POC5: variants seen among roughly 807,000 people sequenced by gnomAD.
POC5 encodes the protein centrosomal protein POC5.
In POC5, 48 loss-of-function variants were observed where a neutral mutation model predicts 62.9. The ratio of observed to expected loss-of-function variants is 0.76; its 90% CI spans 0.61 to 0.97. POC5 has a LOEUF of 0.97. POC5 is among the 50% of genes least tolerant of loss of function. POC5 has a pLI of 0.00. For missense variants in POC5, 696 were observed against 679.5 expected (o/e 1.02, Z -0.27); for synonymous variants, 236 against 228.2 (o/e 1.03, Z -0.31).
intron 2 of POC5, among the ~76,000 whole-genome samples, chr5:75,708,200 T>C (rs1777202359): frequency 6.6e-6 from 1 of 151,886 alleles, no homozygotes; most frequent in South Asian, 2.1e-4. Context: ...TACAAAAATT[T>C]GCTAGGTGTG....
intron 5 of POC5, among the ~76,000 whole-genome samples, chr5:75,699,162 C>T (rs1776750017): frequency 6.6e-6 from 1 of 152,152 alleles, no homozygotes; most frequent in African/African-American, 2.4e-5. Flanking sequence ...GGTACCATTC[C>T]TTCTGAAACT....
At chr5:75,711,638 A>G (rs1477795650) in intron 2 of POC5, among the ~76,000 whole-genome samples, 1 of 152,218 alleles carries the variant, frequency 6.6e-6, no homozygotes, top group East Asian at 1.9e-4. Flanking sequence ...ACCCAAAGTA[A>G]TAACACTGTA....
chr5:75,694,136 T>C (rs1221377723), intron 6 of POC5, among the ~76,000 whole-genome samples: 1 of 151,954 alleles, frequency 6.6e-6, no homozygotes, highest in Non-Finnish European at 1.5e-5. Context: ...TGCCTATGAA[T>C]AGCCACTGCT....
intron 11 of POC5, among the ~76,000 whole-genome samples, chr5:75,675,073 A>G (rs771237036): frequency 6.6e-6 from 1 of 152,222 alleles, no homozygotes; most frequent in Non-Finnish European, 1.5e-5. Context: ...CAGAGCCCTC[A>G]TATTTAACCT....
chr5:75,707,233 A>G (rs986382403), intron 3 of POC5, among the ~76,000 whole-genome samples: 1 of 152,224 alleles, frequency 6.6e-6, no homozygotes, highest in Non-Finnish European at 1.5e-5. Flanking sequence ...CCTGGTTTAT[A>G]GTAGCTTTCA....
In POC5 at chr5:75,703,350, G is replaced by A. The variant is rs138017145; in HGVS notation, c.308-540C>T. Among the ~76,000 whole-genome samples the A allele has an allele frequency of 2.3e-3, 354 of 152,172 alleles. 6 individuals carry two copies. The highest frequency in any genetic ancestry group is 0.02 in the Admixed American group (307 of 15,292). ...GTTTTAATACTATTAAAATTCGGCC[G>A]GGCGCGGTGGCTCATGCCTGTAATC... On this transcript the variant is annotated intron_variant, in intron 4 of 11. Transcript: ENST00000428202.
At chr5:75,682,591 C>T (rs889647326) in intron 10 of POC5, among the ~76,000 whole-genome samples, 2 of 150,932 alleles carry the variant, frequency 1.3e-5, no homozygotes, top group Non-Finnish European at 2.9e-5. Flanking sequence ...TCTTGGCTCA[C>T]CGCAATCTCT....
chr5:75,693,058 A>C (rs1271612179), intron 6 of POC5, among the ~76,000 whole-genome samples: 1 of 147,890 alleles, frequency 6.8e-6, no homozygotes, highest in Non-Finnish European at 1.5e-5. Context: ...ATACCTATTA[A>C]TAACATGTTA....
At chr5:75,682,517 C>T (rs182976570) in intron 10 of POC5, among the ~76,000 whole-genome samples, 25 of 134,672 alleles carry the variant, frequency 1.9e-4, no homozygotes, top group Admixed American at 3.0e-4. Flanking sequence ...TTATTTCTTT[C>T]TTTTTTTTTT....
At chr5:75,702,439 G>T (rs2307113) in intron 5 of POC5, among the ~76,000 whole-genome samples, 166 bp downstream of exon 5, 1 of 151,994 alleles carries the variant, frequency 6.6e-6, no homozygotes, top group Non-Finnish European at 1.5e-5. Flanking sequence ...GCTATGATTC[G>T]TAAGTACATT....
intron 10 of POC5, among the ~76,000 whole-genome samples, 183 bp downstream of exon 10, chr5:75,685,024 C>T (rs1776040756): frequency 2.0e-5 from 3 of 152,034 alleles, no homozygotes; most frequent in East Asian, 1.9e-4. Context: ...GCTGCCACCA[C>T]ACCCGGCTAA....
chr5:75,714,713 T>C (rs1178635725), intron 1 of POC5, among the ~76,000 whole-genome samples: 3 of 151,992 alleles, frequency 2.0e-5, no homozygotes, highest in African/African-American at 7.3e-5. Flanking sequence ...ATGAGCTGGG[T>C]GTGAGGATGC....
chr5:75,674,545 G>A lies in POC5; in HGVS notation c.1618C>T (p.Pro540Ser). ...TIPQATAAKY[P>S]RTIHPESSTS... ...CTACTTTCAGGATGAATGGTCCGGG[G>A]ATATTTTGCTGCAGTTGCTTGAGGA... Residue 540 changes from proline to serine, a missense_variant, in exon 12 of 12, where the codon CCC (proline) becomes TCC (serine). By Grantham distance (74) the Pro-to-Ser change is moderately conservative. Coordinates refer to ENST00000428202, the MANE Select transcript of POC5 (RefSeq NM_001099271.2). The A allele has an allele frequency of 6.2e-7, 1 of 1,613,978 alleles. No individual in the cohort carries two copies. The highest frequency in any genetic ancestry group is 8.5e-7 in the Non-Finnish European group (1 of 1,179,888).
chr5:75,702,587 A>G lies in POC5; in HGVS notation c.513+18T>C. 2.5e-6 allele frequency: 4 copies of G among 1,602,094 alleles called. No homozygotes were observed. Among genetic ancestry groups the G allele is most frequent in the Non-Finnish European group, 3.4e-6 (4 of 1,172,656 alleles). ...TTACATACTAAACAACTGTAATTGAAGAACTGCTGTACCGTACCTTAAGAC... is the reference window on the plus strand; with the variant it reads ...TTACATACTAAACAACTGTAATTGAGGAACTGCTGTACCGTACCTTAAGAC... On this transcript the variant is annotated intron_variant, in intron 5 of 11. Transcript: ENST00000428202.
intron 5 of POC5, among the ~76,000 whole-genome samples, chr5:75,698,544 G>C (rs918077473): frequency 6.6e-6 from 1 of 151,788 alleles, no homozygotes; most frequent in Non-Finnish European, 1.5e-5. Flanking sequence ...ATCATACCAG[G>C]ATCTCTGGGA....
intron 10 of POC5, among the ~76,000 whole-genome samples, chr5:75,684,023 T>C (rs868211482): frequency 2.0e-5 from 3 of 152,072 alleles, no homozygotes; most frequent in Non-Finnish European, 4.4e-5. Context: ...ATTAACAGCT[T>C]GATCAATTTC....
In POC5 at chr5:75,694,775, T is replaced by C. The variant is rs773367289; in HGVS notation, c.570A>G (p.Arg190=). 6.3e-7 allele frequency: 1 copy of C among 1,580,532 alleles called. No individual in the cohort carries two copies. The highest frequency in any genetic ancestry group is 1.1e-5 in the South Asian group (1 of 89,346). Residue 190 remains arginine, a synonymous_variant, in exon 6 of 12, where the codon CGA becomes CGG. Transcript: ENST00000428202. ...TTTCTTTCTCTTTTCTCATTTCCAT[T>C]CGGTGCCAGTCAATAAAATTAAGTC... is the stretch of plus-strand genomic sequence containing the variant. ...KWRLNFIDWH[R]MEMRKEKEKH...
At chr5:75,696,181 C>T (rs1776574395) in intron 5 of POC5, 2 of 157,160 alleles carry the variant, frequency 1.3e-5, no homozygotes, top group Non-Finnish European at 2.8e-5. Flanking sequence ...AACAAAGCAG[C>T]CCGGAAGCTC....
At chr5:75,703,487 G>A (rs926105931) in intron 4 of POC5, among the ~76,000 whole-genome samples, 2 of 152,068 alleles carry the variant, frequency 1.3e-5, no homozygotes, top group Non-Finnish European at 2.9e-5. Context: ...TTAGCTGGGT[G>A]TGGTGGCACG....
Sources: allele counts gnomAD v4.1 joint callset (sites outside exome capture counted in the v4.1 genomes callset), GRCh38; gene constraint gnomAD v4.1.1; transcripts MANE v1.5; gene names NCBI Gene and HGNC (gene_info 2026-07-23, HGNC 2026-07-21).